RANBP2: variants seen among roughly 807,000 people sequenced by gnomAD.
RANBP2 encodes the protein RAN binding protein 2.
Under a neutral mutation model 303.6 loss-of-function variants are expected in RANBP2, and 57 were observed. That is an observed-to-expected ratio of 0.19 (90% CI 0.15 to 0.23). The LOEUF (loss-of-function observed/expected upper bound fraction) is 0.23. Among genes scored for constraint, RANBP2 ranks in the 10% least tolerant of loss-of-function variants. RANBP2 has a pLI of 1.00. For missense variants in RANBP2, 3,138 were observed against 3,780.8 expected, an observed-to-expected ratio of 0.83 and a Z score of 4.46; for synonymous variants, 1,167 against 1,301.5, an observed-to-expected ratio of 0.90 and a Z score of 2.23.
chr2:109,552,016 G>A, the RANBP2 span, among the ~76,000 whole-genome samples: 1 of 152,128 alleles, frequency 6.6e-6, no homozygotes, highest in Non-Finnish European at 1.5e-5. Flanking sequence ...GGTGAGTGGC[G>A]GGCAAACAAG....
chr2:109,571,250 G>C, the RANBP2 span, among the ~76,000 whole-genome samples: 2 of 152,164 alleles, frequency 1.3e-5, no homozygotes, highest in Non-Finnish European at 2.9e-5. Context: ...AAATTACCCA[G>C]TCTCAGATAG....
chr2:109,367,179 G>C, the RANBP2 span, among the ~76,000 whole-genome samples: 1 of 147,052 alleles, frequency 6.8e-6, no homozygotes, highest in Non-Finnish European at 1.5e-5. Context: ...GGCCAGACTG[G>C]TCTCGAACTC....
At chr2:109,545,034 T>C in the RANBP2 span, 1 of 985,438 alleles carries the variant, frequency 1.0e-6, no homozygotes, top group South Asian at 4.7e-5. Flanking sequence ...AAGCCACCAA[T>C]GGGCCAAGGT....
chr2:108,788,347 G>C (rs947887680), downstream of RANBP2, among the ~76,000 whole-genome samples: 2 of 151,870 alleles, frequency 1.3e-5, no homozygotes, highest in African/African-American at 4.8e-5. Flanking sequence ...TTGAACCCGG[G>C]AGGCAGAGGT....
chr2:109,220,639 A>T, the RANBP2 span, among the ~76,000 whole-genome samples: 628 of 152,352 alleles, frequency 4.1e-3, 8 homozygotes, highest in African/African-American at 0.014. Flanking sequence ...CCAAAGATAT[A>T]CAAATGGCCA....
chr2:109,493,494 C>T, the RANBP2 span, among the ~76,000 whole-genome samples: 69 of 151,782 alleles, frequency 4.5e-4, no homozygotes, highest in Non-Finnish European at 8.4e-4. Context: ...CCACATACAC[C>T]ATACAAACAC....
chr2:109,662,835 AT>A, the RANBP2 span, among the ~76,000 whole-genome samples: 1 of 152,166 alleles, frequency 6.6e-6, no homozygotes, highest in African/African-American at 2.4e-5. Flanking sequence ...CCTCTTTTCT[AT>A]TCCCACCGCC....
chr2:108,997,269 G>A, the RANBP2 span, among the ~76,000 whole-genome samples: 6 of 151,718 alleles, frequency 4.0e-5, no homozygotes, highest in Non-Finnish European at 2.9e-5. Context: ...GTGAAACCCC[G>A]TCTCTACTAA....
chr2:108,769,748 C>T (rs1484039441), intron 20 of RANBP2, among the ~76,000 whole-genome samples: 1 of 151,778 alleles, frequency 6.6e-6, no homozygotes, highest in African/African-American at 2.4e-5. Context: ...AAATGGACCC[C>T]GTTTTTAACA....
At chr2:109,707,552 C>A in the RANBP2 span, among the ~76,000 whole-genome samples, 4 of 152,200 alleles carry the variant, frequency 2.6e-5, no homozygotes, top group East Asian at 7.7e-4. Flanking sequence ...TACCTTGCTG[C>A]AGCTTCTAAG....
the RANBP2 span, among the ~76,000 whole-genome samples, chr2:108,815,007 A>T: frequency 1.1e-3 from 161 of 152,072 alleles, no homozygotes; most frequent in Non-Finnish European, 1.5e-3. Flanking sequence ...GTATCTTATT[A>T]AAAAAAATTG....
chr2:108,873,197 G>A, the RANBP2 span, among the ~76,000 whole-genome samples: 17 of 151,916 alleles, frequency 1.1e-4, no homozygotes, highest in South Asian at 6.3e-4. Flanking sequence ...TTCAAACATG[G>A]GATTTCTTCT....
At chr2:108,987,228 A>G in the RANBP2 span, among the ~76,000 whole-genome samples, 1 of 152,250 alleles carries the variant, frequency 6.6e-6, no homozygotes. Flanking sequence ...GGAAACCACA[A>G]AACGCACTCA....
chr2:108,858,487 G>A, the RANBP2 span, among the ~76,000 whole-genome samples: 1 of 152,168 alleles, frequency 6.6e-6, no homozygotes, highest in Non-Finnish European at 1.5e-5. Flanking sequence ...GGAAATGGGT[G>A]AATCTTTGAT....
the RANBP2 span, among the ~76,000 whole-genome samples, chr2:109,139,030 T>C: frequency 2.4e-3 from 365 of 152,134 alleles, 10 homozygotes; most frequent in South Asian, 0.03. Context: ...GGACGTGGAG[T>C]CATGGGTGAT....
At chr2:109,205,033 C>A in the RANBP2 span, among the ~76,000 whole-genome samples, 4 of 152,080 alleles carry the variant, frequency 2.6e-5, no homozygotes, top group Non-Finnish European at 5.9e-5. Context: ...CATAGTGATA[C>A]CCTGTCTCTA....
the RANBP2 span, among the ~76,000 whole-genome samples, chr2:109,027,242 C>CAAAAAA: frequency 2.5e-5 from 2 of 81,498 alleles, no homozygotes; most frequent in East Asian, 3.3e-4. Context: ...GGCTCTGTCT[C>CAAAAAA]AAAAAAAAAA....
chr2:109,106,123 A>G, the RANBP2 span, among the ~76,000 whole-genome samples: 1 of 151,896 alleles, frequency 6.6e-6, no homozygotes, highest in South Asian at 2.1e-4. Flanking sequence ...AGCTTCCCAA[A>G]GTGCTGGGAT....
chr2:109,515,493 C>T, the RANBP2 span, among the ~76,000 whole-genome samples: 2 of 152,078 alleles, frequency 1.3e-5, no homozygotes, highest in East Asian at 3.9e-4. Flanking sequence ...GCAGTGCAGG[C>T]CCTTCCTTCC....
Sources: gnomAD v4.1 joint callset for allele counts (sites outside exome capture counted in the v4.1 genomes callset) on GRCh38, gnomAD v4.1.1 for gene constraint, MANE v1.5 for transcripts, NCBI Gene and HGNC (gene_info 2026-07-23, HGNC 2026-07-21) for gene names.